The following GALNT17 variants were observed in gnomAD, a reference collection of about 807,000 sequenced individuals.
GALNT17 encodes polypeptide N-acetylgalactosaminyltransferase 17.
Under a neutral mutation model 63.7 loss-of-function variants are expected in GALNT17, and 29 were observed. That is an observed-to-expected ratio of 0.46 (90% CI 0.34 to 0.62). The LOEUF (loss-of-function observed/expected upper bound fraction) is 0.62, where lower values mean the gene tolerates loss of function less well. GALNT17 is among the 20% of genes least tolerant of loss of function. The probability of loss-of-function intolerance (pLI) is 0.01; values close to 1 mark genes in which losing one functional copy is unlikely to be tolerated. For synonymous variants in GALNT17, 305 were observed against 318.3 expected (o/e 0.96, Z 0.45); for missense variants, 603 against 799.6 (o/e 0.75, Z 2.97).
chr7:71,467,708 A>T (rs73177423), intron 5 of GALNT17, among the ~76,000 whole-genome samples: 1 of 151,902 alleles, frequency 6.6e-6, no homozygotes, highest in African/African-American at 2.4e-5. Flanking sequence ...TGGGACTCTG[A>T]GGGCCTGAGA....
chr7:71,237,130 C>G (rs1175808828), intron 1 of GALNT17, among the ~76,000 whole-genome samples: 1 of 152,174 alleles, frequency 6.6e-6, no homozygotes, highest in East Asian at 1.9e-4. Flanking sequence ...TGAAATACCC[C>G]CATTCATCCA....
At chr7:71,179,601 A>C (rs964430198) in intron 1 of GALNT17, among the ~76,000 whole-genome samples, 1 of 152,198 alleles carries the variant, frequency 6.6e-6, no homozygotes, top group Non-Finnish European at 1.5e-5. Flanking sequence ...GGTTTCTCAC[A>C]TCCTAGGCTC....
intron 5 of GALNT17, among the ~76,000 whole-genome samples, chr7:71,500,289 G>A (rs1312954101): frequency 6.6e-6 from 1 of 152,102 alleles, no homozygotes; most frequent in Non-Finnish European, 1.5e-5. Flanking sequence ...AGTGTTTAGC[G>A]AAGGGCTCCA....
At chr7:71,494,109 T>G (rs766310919) in intron 5 of GALNT17, among the ~76,000 whole-genome samples, 1 of 151,680 alleles carries the variant, frequency 6.6e-6, no homozygotes, top group African/African-American at 2.4e-5. Flanking sequence ...AGGAAACTTA[T>G]GATCATGGCA....
chr7:71,420,809 C>T, intron 4 of GALNT17, 99 bp from the exon 5 acceptor site: 4 of 1,440,732 alleles, frequency 2.8e-6, no homozygotes, highest in Non-Finnish European at 3.9e-6. Context: ...TCCCAAAGCC[C>T]AGCCTTAAGT....
chr7:71,212,650 G>A (rs552782900), intron 1 of GALNT17, among the ~76,000 whole-genome samples: 1 of 152,234 alleles, frequency 6.6e-6, no homozygotes, highest in East Asian at 1.9e-4. Flanking sequence ...AAGCCACAGG[G>A]TTGGAGCTTC....
chr7:71,511,137 A>T (rs895068017), intron 5 of GALNT17, among the ~76,000 whole-genome samples: 2 of 152,122 alleles, frequency 1.3e-5, no homozygotes, highest in Non-Finnish European at 2.9e-5. Context: ...AGCCATGATC[A>T]TGCACCATAC....
At chr7:71,651,305 A>G (rs553014059) in intron 6 of GALNT17, among the ~76,000 whole-genome samples, 26 of 138,724 alleles carry the variant, frequency 1.9e-4, no homozygotes, top group African/African-American at 6.7e-4. Context: ...GCTACTTTTT[A>G]GGCTTTTTTT....
intron 1 of GALNT17, among the ~76,000 whole-genome samples, chr7:71,297,863 T>C (rs78679417): frequency 0.021 from 3,202 of 152,312 alleles, 47 homozygotes; most frequent in South Asian, 0.07. Context: ...ATTCCACTTA[T>C]GTCAAGTTCT....
intron 1 of GALNT17, among the ~76,000 whole-genome samples, chr7:71,203,045 C>A (rs137946155): frequency 7.2e-4 from 109 of 152,216 alleles, no homozygotes; most frequent in South Asian, 3.7e-3. Context: ...TATCCATCAT[C>A]CATTGATGGA....
intron 6 of GALNT17, among the ~76,000 whole-genome samples, chr7:71,618,040 T>C (rs1790243165): frequency 6.6e-6 from 1 of 152,178 alleles, no homozygotes; most frequent in African/African-American, 2.4e-5. Flanking sequence ...GCTGAGTGTT[T>C]AGTTCCCATT....
At chr7:71,572,225 A>T (rs185585210) in intron 6 of GALNT17, among the ~76,000 whole-genome samples, 42 of 151,644 alleles carry the variant, frequency 2.8e-4, no homozygotes, top group Admixed American at 5.3e-4. Flanking sequence ...AAAAATAAAA[A>T]AAAAAAAAGC....
chr7:71,398,116 A>G (rs900913550), intron 3 of GALNT17, among the ~76,000 whole-genome samples: 1 of 152,020 alleles, frequency 6.6e-6, no homozygotes, highest in African/African-American at 2.4e-5. Flanking sequence ...GTCAGTTTGC[A>G]TTGATTAGAT....
intron 6 of GALNT17, among the ~76,000 whole-genome samples, chr7:71,578,454 C>A (rs989675593): frequency 6.6e-6 from 1 of 152,134 alleles, no homozygotes; most frequent in Non-Finnish European, 1.5e-5. Context: ...CTGTCTCAGC[C>A]TCCCAAGTAG....
chr7:71,163,937 A>G (rs1788391650), intron 1 of GALNT17, among the ~76,000 whole-genome samples: 1 of 152,222 alleles, frequency 6.6e-6, no homozygotes, highest in South Asian at 2.1e-4. Context: ...GCTGTTTTAC[A>G]AGAATCAGAA....
Position 71,658,438 on chromosome 7 carries a change from G to A in GALNT17, c.1081-6973G>A, listed in dbSNP as rs114716114. Among the ~76,000 whole-genome samples, 940 of 152,190 alleles carry A rather than the reference G, an allele frequency of 6.2e-3. 12 individuals carry two copies. Among genetic ancestry groups the A allele is most frequent in the African/African-American group, 0.021 (886 of 41,526 alleles). ...CCAGAGTCTTGTGATGGTTTCTTTT[G>A]CCTCATCCCTTCCATATTCCAGAGG... is the stretch of plus-strand genomic sequence containing the variant. On this transcript the variant is annotated intron_variant, in intron 6 of 10. Coordinates refer to ENST00000333538, the MANE Select transcript of GALNT17 (RefSeq NM_022479.3).
intron 2 of GALNT17, among the ~76,000 whole-genome samples, chr7:71,363,210 A>G (rs918208340): frequency 3.3e-5 from 5 of 151,912 alleles, no homozygotes; most frequent in African/African-American, 1.2e-4. Flanking sequence ...CAAGTGATCC[A>G]CCCACCTCGG....
chr7:71,544,863 T>TTC (rs1788955772), intron 5 of GALNT17, among the ~76,000 whole-genome samples: 1 of 151,604 alleles, frequency 6.6e-6, no homozygotes, highest in African/African-American at 2.4e-5. Context: ...TTTTTTTTTT[T>TTC]CATCTGTAAG....
At chr7:71,258,714 A>G (rs530293981) in intron 1 of GALNT17, among the ~76,000 whole-genome samples, 1 of 152,072 alleles carries the variant, frequency 6.6e-6, no homozygotes, top group South Asian at 2.1e-4. Flanking sequence ...TATTCATAGG[A>G]GTTTGCAGGA....
Sources: allele counts gnomAD v4.1 joint callset (sites outside exome capture counted in the v4.1 genomes callset), GRCh38; gene constraint gnomAD v4.1.1; transcripts MANE v1.5; gene names NCBI Gene and HGNC (gene_info 2026-07-23, HGNC 2026-07-21).